ZMYM2: variants seen among roughly 807,000 people sequenced by gnomAD.
The protein encoded by ZMYM2 is zinc finger MYM-type protein 2.
Under a neutral mutation model 162.8 loss-of-function variants are expected in ZMYM2, and 56 were observed. The observed-to-expected ratio is 0.34, with a 90% CI of 0.28 to 0.43. The LOEUF is 0.43. Among genes scored for constraint, ZMYM2 ranks in the 20% least tolerant of loss-of-function variants. ZMYM2 has a pLI of 1.00. For missense variants in ZMYM2, 1,275 were observed against 1,621.8 expected, an observed-to-expected ratio of 0.79 and a Z score of 3.67; for synonymous variants, 510 against 541.6, an observed-to-expected ratio of 0.94 and a Z score of 0.81.
At chr13:20,056,885 G>A (rs934134045) in intron 14 of ZMYM2, among the ~76,000 whole-genome samples, 1 of 152,074 alleles carries the variant, frequency 6.6e-6, no homozygotes, top group Non-Finnish European at 1.5e-5. Context: ...ATGCTTAAAG[G>A]ATCTGAGGTT....
At chr13:19,897,020 C>T in the ZMYM2 span, among the ~76,000 whole-genome samples, 2 of 147,682 alleles carry the variant, frequency 1.4e-5, no homozygotes, top group Non-Finnish European at 2.9e-5. Flanking sequence ...TTGCAGTGAT[C>T]GGAGATCACA....
chr13:19,948,359 C>T, the ZMYM2 span, among the ~76,000 whole-genome samples: 1 of 152,104 alleles, frequency 6.6e-6, no homozygotes, highest in Admixed American at 6.6e-5. Context: ...AGATATCCGT[C>T]AGTAGGTAAA....
At chr13:20,058,842 AT>A in intron 15 of ZMYM2, 138 bp downstream of exon 15, 1 of 1,099,442 alleles carries the variant, frequency 9.1e-7, no homozygotes, top group Non-Finnish European at 1.4e-6. Flanking sequence ...TGCTTACGTA[AT>A]TTTAGATATT....
At chr13:20,076,566 CAGTA>C (rs1307019465) in intron 21 of ZMYM2, among the ~76,000 whole-genome samples, 6 of 150,392 alleles carry the variant, frequency 4.0e-5, no homozygotes, top group Non-Finnish European at 5.9e-5. Flanking sequence ...TTATTATAGA[CAGTA>C]AGTCTTTGTC....
At chr13:19,969,742 A>G (rs1956142631) in intron 2 of ZMYM2, among the ~76,000 whole-genome samples, 1 of 151,896 alleles carries the variant, frequency 6.6e-6, no homozygotes, top group South Asian at 2.1e-4. Context: ...AAGTGATAAG[A>G]TTTTTTATTT....
chr13:19,991,790 C>T (rs1471540099), intron 2 of ZMYM2, among the ~76,000 whole-genome samples: 6 of 151,292 alleles, frequency 4.0e-5, no homozygotes, highest in East Asian at 3.9e-4. Context: ...CTAACATGCC[C>T]GGCTAATTTT....
At chr13:19,983,193 G>T in intron 2 of ZMYM2, among the ~76,000 whole-genome samples, 1 of 145,950 alleles carries the variant, frequency 6.9e-6, no homozygotes, top group Admixed American at 6.8e-5. Flanking sequence ...TGCCCAGGTT[G>T]GAGTACAGTG....
chr13:19,864,976 TGTTA>T, the ZMYM2 span: 8 of 152,260 alleles, frequency 5.3e-5, no homozygotes, highest in Non-Finnish European at 1.0e-4. Flanking sequence ...CAATTGAGGA[TGTTA>T]GTTTGGATGA....
At chr13:20,013,574 C>T (rs1951371804) in intron 6 of ZMYM2, among the ~76,000 whole-genome samples, 1 of 152,130 alleles carries the variant, frequency 6.6e-6, no homozygotes, top group Admixed American at 6.5e-5. Context: ...TGTTCATATG[C>T]ATGGCTTTTA....
At chr13:20,018,463 G>A (rs773288468) in intron 6 of ZMYM2, among the ~76,000 whole-genome samples, 59 of 152,250 alleles carry the variant, frequency 3.9e-4, no homozygotes, top group Middle Eastern at 3.4e-3. Context: ...AGCTAAAATT[G>A]TATCATAATC....
chr13:20,062,354 G>A (rs1441327328), intron 17 of ZMYM2, among the ~76,000 whole-genome samples: 1 of 152,164 alleles, frequency 6.6e-6, no homozygotes, highest in Non-Finnish European at 1.5e-5. Flanking sequence ...TGCAGTATGT[G>A]CTGGATAAAA....
intron 2 of ZMYM2, among the ~76,000 whole-genome samples, chr13:19,986,584 A>T (rs557948116): frequency 2.2e-3 from 338 of 152,302 alleles, no homozygotes; most frequent in Non-Finnish European, 3.5e-3. Context: ...TGAAAAAAAA[A>T]TTTTTAACAT....
the ZMYM2 span, among the ~76,000 whole-genome samples, chr13:19,878,518 T>C: frequency 0.12 from 493 of 4,198 alleles, 5 homozygotes; most frequent in African/African-American, 0.17. Flanking sequence ...TCCTTTGCCC[T>C]TTTTTTTTTT....
chr13:19,976,640 C>G (rs1956821545), intron 2 of ZMYM2, among the ~76,000 whole-genome samples: 1 of 152,214 alleles, frequency 6.6e-6, no homozygotes, highest in Admixed American at 6.5e-5. Flanking sequence ...TTAGATACTT[C>G]ACATAAGTGG....
the ZMYM2 span, among the ~76,000 whole-genome samples, chr13:19,877,852 G>A: frequency 1.3e-5 from 2 of 152,142 alleles, no homozygotes; most frequent in African/African-American, 2.4e-5. Context: ...TGCTATAAAT[G>A]TGGGTATACA....
chr13:19,987,944 T>C (rs1384016480), intron 2 of ZMYM2, among the ~76,000 whole-genome samples: 1 of 152,192 alleles, frequency 6.6e-6, no homozygotes, highest in Non-Finnish European at 1.5e-5. Context: ...AATGTATCTT[T>C]TGCGATTTTC....
chr13:20,031,542 G>T, intron 10 of ZMYM2, 107 bp downstream of exon 10: 4 of 728,526 alleles, frequency 5.5e-6, no homozygotes, highest in South Asian at 5.1e-5. Context: ...ATAAAAATAT[G>T]CTTTTCAGAT....
chr13:20,063,963 G>A (rs946305006), intron 18 of ZMYM2, among the ~76,000 whole-genome samples: 1 of 65,874 alleles, frequency 1.5e-5, no homozygotes, highest in Non-Finnish European at 3.6e-5. Flanking sequence ...TATATAGTTA[G>A]CTTTTTTTTA....
chr13:19,992,217 A>G (rs966543819), intron 2 of ZMYM2, among the ~76,000 whole-genome samples: 1 of 152,300 alleles, frequency 6.6e-6, no homozygotes, highest in Admixed American at 6.5e-5. Flanking sequence ...ATTTAATTGT[A>G]CAATTAATGG....
Sources: gnomAD v4.1 joint callset for allele counts (sites outside exome capture counted in the v4.1 genomes callset) on GRCh38, gnomAD v4.1.1 for gene constraint, MANE v1.5 for transcripts, NCBI Gene and HGNC (gene_info 2026-07-23, HGNC 2026-07-21) for gene names.